FBXW2: variants seen among roughly 807,000 people sequenced by gnomAD.
The protein encoded by FBXW2 is F-box/WD repeat-containing protein 2.
FBXW2 carries 12 observed loss-of-function variants against 46.0 expected under a neutral mutation model. That is an observed-to-expected ratio of 0.26 (90% CI 0.17 to 0.42). The LOEUF (loss-of-function observed/expected upper bound fraction) is 0.42, where lower values mean the gene tolerates loss of function less well. FBXW2 is among the 10% of genes least tolerant of loss of function. The pLI, the probability that FBXW2 is intolerant of heterozygous loss-of-function variation, is 1.00. For missense variants in FBXW2, 360 were observed against 537.0 expected, an observed-to-expected ratio of 0.67 and a Z score of 3.26; for synonymous variants, 203 against 209.6, an observed-to-expected ratio of 0.97 and a Z score of 0.27.
At chr9:120,779,419 T>C (rs916229954) in intron 3 of FBXW2, among the ~76,000 whole-genome samples, 1 of 152,168 alleles carries the variant, frequency 6.6e-6, no homozygotes, top group Non-Finnish European at 1.5e-5. Flanking sequence ...AAAGCTGAAA[T>C]GACTAAAGCC....
At position 120,758,241 on chromosome 9, in the gene FBXW2, T is replaced by C. The variant is rs1470632951; in HGVS notation, c.*6318A>G. 1.3e-5 allele frequency: 2 copies of C among 152,054 alleles called. No individual in the cohort carries two copies. The highest frequency in any genetic ancestry group is 4.8e-5 in the African/African-American group (2 of 41,394). The allele number at this position is 152,054 out of a possible 1,614,324, so 9.4% of individuals were successfully genotyped here. ...CAGAGGCTTTAAAGATAGTGGGAGATCAATGGGATTAAAGCCTGGCCCTAG... is the reference window on the plus strand; with the variant it reads ...CAGAGGCTTTAAAGATAGTGGGAGACCAATGGGATTAAAGCCTGGCCCTAG... On this transcript the variant is annotated 3_prime_UTR_variant, in exon 8 of 8. Coordinates refer to ENST00000608872, the MANE Select transcript of FBXW2 (RefSeq NM_012164.4).
rs1198230970 is a variant in FBXW2 at position 120,778,361 on chromosome 9, G to A, written c.675C>T (p.His225=). Residue 225 remains histidine (H), a synonymous_variant, in exon 4 of 8, where the codon CAC becomes CAT. Coordinates refer to ENST00000608872, the MANE Select transcript of FBXW2 (RefSeq NM_012164.4). ...AAAAGGGCAACCCACCCGCCCCCGTGTGCCCCCGAAAGTGCTGGGTCCTGG... is the reference window on the plus strand; with the variant it reads ...AAAAGGGCAACCCACCCGCCCCCGTATGCCCCCGAAAGTGCTGGGTCCTGG... ...SGARTQHFRG[H]TGAVFSVDYN... is the part of the protein sequence containing the mutation. 2 of 1,612,218 alleles carry A rather than the reference G, an allele frequency of 1.2e-6. No homozygotes were observed. The highest frequency in any genetic ancestry group is 1.7e-6 in the Non-Finnish European group (2 of 1,179,488).
chr9:120,775,253 A>G (rs2044468889), intron 5 of FBXW2, among the ~76,000 whole-genome samples: 1 of 152,162 alleles, frequency 6.6e-6, no homozygotes, highest in Non-Finnish European at 1.5e-5. Flanking sequence ...CATGTTGGCC[A>G]GGCTGGCCTC....
At chr9:120,770,363 G>A (rs550921095) in intron 7 of FBXW2, among the ~76,000 whole-genome samples, 4 of 145,784 alleles carry the variant, frequency 2.7e-5, no homozygotes, top group Non-Finnish European at 4.5e-5. Context: ...GCGACAGAGC[G>A]AGACTCCATC....
rs1461939025 is a variant in FBXW2 at position 120,762,276 on chromosome 9, G to C, written c.*2283C>G. On this transcript the variant is annotated 3_prime_UTR_variant, in exon 8 of 8. Transcript: ENST00000608872. ...AATCACTTGAACCCAGGAGGCGGAG[G>C]TTGCAGTGAGCCAAGATCGTGCCAT... 3 of 151,974 alleles carry C rather than the reference G, an allele frequency of 2.0e-5. No individual in the cohort carries two copies. Among genetic ancestry groups the C allele is most frequent in the Non-Finnish European group, 4.4e-5 (3 of 68,082 alleles). 9.4% of individuals were successfully genotyped at this position (151,974 alleles called of 1,614,324 possible). A position where few individuals can be genotyped will look rare whatever the true frequency, so the allele number is the denominator to read the frequency against.
At position 120,778,240 on chromosome 9, in the gene FBXW2, G is replaced by A. The variant is rs374828115; in HGVS notation, c.685+111C>T. 1.8e-4 allele frequency: 160 copies of A among 900,178 alleles called. No individual in the cohort carries two copies. In the African/African-American group the frequency reaches 2.2e-3, roughly 13 times the overall value. The allele number at this position is 900,178 out of a possible 1,614,324, so 55.8% of individuals were successfully genotyped here. ...AAATAACTGCAATGACTAAGAAAGA[G>A]GGTTGAAAAAAGCAGGTTAAATTAA... On this transcript the variant is annotated intron_variant, in intron 4 of 7. Transcript: ENST00000608872.
At chr9:120,769,814 T>C (rs911891356) in intron 7 of FBXW2, among the ~76,000 whole-genome samples, 1 of 152,238 alleles carries the variant, frequency 6.6e-6, no homozygotes, top group African/African-American at 2.4e-5. Context: ...CTACCCTGTC[T>C]CAGCTTCAGT....
Position 120,764,897 on chromosome 9 carries a change from T to C in FBXW2, c.1077-50A>G, listed in dbSNP as rs571862126. The C allele has an allele frequency of 2.6e-5, 36 of 1,381,924 alleles. No individual in the cohort carries two copies. The South Asian group carries it at 5.0e-4, about 19-fold the overall frequency. The allele number at this position is 1,381,924 out of a possible 1,614,324, so 85.6% of individuals were successfully genotyped here. A position where few individuals can be genotyped will look rare whatever the true frequency, so the allele number is the denominator to read the frequency against. On this transcript the variant is annotated intron_variant, in intron 7 of 7. Coordinates refer to ENST00000608872, the MANE Select transcript of FBXW2 (RefSeq NM_012164.4). ...GTGAAAGAAGGCAACCTTGCTTCTG[T>C]TTATGCTACTGTAATCTTTTCTGGA...
In FBXW2 at chr9:120,778,449, T is replaced by C; in HGVS notation, c.587A>G (p.Glu196Gly). 6.2e-7 allele frequency: 1 copy of C among 1,614,096 alleles called. No individual in the cohort carries two copies. The highest frequency in any genetic ancestry group is 8.5e-7 in the Non-Finnish European group (1 of 1,180,018). Residue 196 changes from glutamate to glycine, a missense_variant, in exon 4 of 8, where the codon GAA becomes GGA. Glu to Gly is a moderately conservative substitution (Grantham distance 98). Coordinates refer to ENST00000608872, the MANE Select transcript of FBXW2 (RefSeq NM_012164.4). ...AAAGGAGCCTGTCACAAGCTTCTGT[T>C]CATCAAACTTCACCGCTGCACAAGT... ...THTCAAVKFD[E>G]QKLVTGSFDN...
rs915452657 is a variant in FBXW2, at chr9:120,759,461, A to T, written c.*5098T>A. ...CCTACCCCACACAGTTCAAATATAAACTTTATCTCATGCCCTCTAAATCAC... is the reference window on the plus strand; with the variant it reads ...CCTACCCCACACAGTTCAAATATAATCTTTATCTCATGCCCTCTAAATCAC... On this transcript the variant is annotated 3_prime_UTR_variant, in exon 8 of 8. Coordinates refer to ENST00000608872, the MANE Select transcript of FBXW2 (RefSeq NM_012164.4). The T allele has an allele frequency of 3.3e-5, 5 of 152,142 alleles. No individual in the cohort carries two copies. The highest frequency in any genetic ancestry group is 2.6e-4 in the Admixed American group (4 of 15,262). The allele number at this position is 152,142 out of a possible 1,614,324, so 9.4% of individuals were successfully genotyped here.
rs1196558999 is a variant in FBXW2 at position 120,761,824 on chromosome 9, T to C, written c.*2735A>G. 3 of 151,696 alleles carry C rather than the reference T, an allele frequency of 2.0e-5. No individual in the cohort carries two copies. Among genetic ancestry groups the C allele is most frequent in the Non-Finnish European group, 4.4e-5 (3 of 67,926 alleles). The allele number at this position is 151,696 out of a possible 1,614,324, so 9.4% of individuals were successfully genotyped here. A position where few individuals can be genotyped will look rare whatever the true frequency, so the allele number is the denominator to read the frequency against. On this transcript the variant is annotated 3_prime_UTR_variant, in exon 8 of 8. Coordinates refer to ENST00000608872, the MANE Select transcript of FBXW2 (RefSeq NM_012164.4). Reference sequence around the variant, plus strand: ...AAGACTGCCTAGGAAAAAAAAAAAATTCCAGCGGCACCAAGTACCACCTTG... The same window carrying C: ...AAGACTGCCTAGGAAAAAAAAAAAACTCCAGCGGCACCAAGTACCACCTTG...
At position 120,759,884 on chromosome 9, in the gene FBXW2, C is replaced by CTCA. The variant is rs2044171195; in HGVS notation, c.*4674_*4675insTGA. ...CAGCAAAACAGCTTTTTGCACTGAG[C>CTCA]GTGACCATTCAGTCTGATTAGGCTG... On this transcript the variant is annotated 3_prime_UTR_variant, in exon 8 of 8. Coordinates refer to ENST00000608872, the MANE Select transcript of FBXW2 (RefSeq NM_012164.4). 1 of 152,118 alleles carries CTCA rather than the reference C, an allele frequency of 6.6e-6. No individual in the cohort carries two copies. The highest frequency in any genetic ancestry group is 2.1e-4 in the South Asian group (1 of 4,830). The allele number at this position is 152,118 out of a possible 1,614,324, so 9.4% of individuals were successfully genotyped here. A position where few individuals can be genotyped will look rare whatever the true frequency, so the allele number is the denominator to read the frequency against.
Position 120,772,530 on chromosome 9 carries a change from A to G in FBXW2, c.906+224T>C, listed in dbSNP as rs146965496. Reference sequence around the variant, plus strand: ...AACAAAAATTAAGAATAAGCTGAACATAAATTTATGTGAATTTCTTTTTCA... The same window carrying G: ...AACAAAAATTAAGAATAAGCTGAACGTAAATTTATGTGAATTTCTTTTTCA... On this transcript the variant is annotated intron_variant, in intron 6 of 7. Transcript: ENST00000608872. Among the ~76,000 whole-genome samples the G allele has an allele frequency of 3.1e-3, 477 of 152,300 alleles. 2 individuals carry two copies. Among genetic ancestry groups the G allele is most frequent in the Admixed American group, 4.6e-3 (70 of 15,290 alleles).
chr9:120,764,736 GC>G lies in FBXW2; in HGVS notation c.1187del (p.Ser396ThrfsTer2), dbSNP rs1564448451. ...YLYIMDLRTE[S>X]LISRWPLPEY... The stretch of plus-strand genomic sequence containing the variant: ...CTGGCAGAGGCCAGCGACTAATCAG[GC>G]TCTCTGTCCGCAAGTCCATGATGTA... On this transcript the variant is annotated frameshift_variant, in exon 8 of 8. Transcript: ENST00000608872. LOFTEE classifies it high-confidence loss of function. 1.9e-6 allele frequency: 3 copies of G among 1,614,190 alleles called. No homozygotes were observed. Among genetic ancestry groups the G allele is most frequent in the Non-Finnish European group, 2.5e-6 (3 of 1,180,036 alleles).
At chr9:120,765,222 G>C (rs556233661) in intron 7 of FBXW2, among the ~76,000 whole-genome samples, 1 of 151,784 alleles carries the variant, frequency 6.6e-6, no homozygotes, top group South Asian at 2.1e-4. Flanking sequence ...AGCCTCACAA[G>C]TAGCTGGGAC....
intron 3 of FBXW2, among the ~76,000 whole-genome samples, chr9:120,787,109 A>C (rs2044738839): frequency 6.6e-6 from 1 of 151,948 alleles, no homozygotes; most frequent in Non-Finnish European, 1.5e-5. Flanking sequence ...GCTCACTGGA[A>C]CCTCCGCCTC....
intron 2 of FBXW2, among the ~76,000 whole-genome samples, chr9:120,791,846 A>G (rs2131389478): frequency 6.6e-6 from 1 of 152,212 alleles, no homozygotes; most frequent in African/African-American, 2.4e-5. Flanking sequence ...TCCCTACCCC[A>G]GAGTTAACAT....
At chr9:120,780,010 C>T (rs1346800932) in intron 3 of FBXW2, among the ~76,000 whole-genome samples, 1 of 151,556 alleles carries the variant, frequency 6.6e-6, no homozygotes, top group Non-Finnish European at 1.5e-5. Context: ...CATGATGGCG[C>T]GCCTATATTC....
Position 120,772,751 on chromosome 9 carries a change from C to A in FBXW2, c.906+3G>T, listed in dbSNP as rs201188515. On this transcript the variant is annotated splice_donor_region_variant and intron_variant, in intron 6 of 7. Transcript: ENST00000608872. The stretch of plus-strand genomic sequence containing the variant: ...AAGCAAATTAATGGAGAAAAAAACT[C>A]ACCTTAATCTCATATTTGTCTGCAC... 190 of 1,543,366 alleles carry A rather than the reference C, an allele frequency of 1.2e-4. 1 individual carries two copies. In the East Asian group the frequency reaches 3.4e-3, roughly 27 times the overall value.
Sources: gnomAD v4.1 joint callset for allele counts (sites outside exome capture counted in the v4.1 genomes callset) on GRCh38, gnomAD v4.1.1 for gene constraint, MANE v1.5 for transcripts, NCBI Gene and HGNC (gene_info 2026-07-23, HGNC 2026-07-21) for gene names.